MALRD1: variants seen among roughly 807,000 people sequenced by gnomAD.
MALRD1 encodes MAM and LDL-receptor class A domain-containing protein 1.
MALRD1 carries 247 observed loss-of-function variants against 242.1 expected under a neutral mutation model. The ratio of observed to expected loss-of-function variants is 1.02; its 90% CI spans 0.92 to 1.13. The LOEUF (loss-of-function observed/expected upper bound fraction) is 1.13. Ranked by LOEUF, MALRD1 falls within the 50% of genes most tolerant of loss-of-function variation. The pLI, the probability that MALRD1 is intolerant of heterozygous loss-of-function variation, is 0.00. For missense variants in MALRD1, 2,989 were observed against 2,533.1 expected, an observed-to-expected ratio of 1.18 and a Z score of -3.86; for synonymous variants, 995 against 866.6, an observed-to-expected ratio of 1.15 and a Z score of -2.60.
chr10:19,164,902 C>T (rs1278790804), intron 12 of MALRD1, among the ~76,000 whole-genome samples: 1 of 151,996 alleles, frequency 6.6e-6, no homozygotes, highest in Non-Finnish European at 1.5e-5. Flanking sequence ...TGTTGTCTTA[C>T]TTGGCTCAAT....
intron 36 of MALRD1, among the ~76,000 whole-genome samples, chr10:19,639,100 A>G (rs1387125701): frequency 2.0e-5 from 3 of 152,184 alleles, no homozygotes; most frequent in Non-Finnish European, 4.4e-5. Flanking sequence ...AAAAGTTCAG[A>G]TGTAGAAACA....
At chr10:19,358,502 A>G (rs1588961997) in intron 26 of MALRD1, among the ~76,000 whole-genome samples, 1 of 152,126 alleles carries the variant, frequency 6.6e-6, no homozygotes, top group Non-Finnish European at 1.5e-5. Context: ...CGTGAAACCT[A>G]CATATGCTGT....
At chr10:19,243,743 A>G (rs371105016) in intron 18 of MALRD1, among the ~76,000 whole-genome samples, 102 of 152,216 alleles carry the variant, frequency 6.7e-4, no homozygotes, top group African/African-American at 2.3e-3. Context: ...AAAAGTATCA[A>G]TTTTTCTTGG....
At position 19,488,250 on chromosome 10, in the gene MALRD1, T is replaced by C. The variant is rs574711080; in HGVS notation, c.5030-3267T>C. 4.6e-5 allele frequency among the ~76,000 whole-genome samples: 7 copies of C among 152,304 alleles called. No homozygotes were observed. In the South Asian group the frequency reaches 1.5e-3, roughly 32 times the overall value. On this transcript the variant is annotated intron_variant, in intron 29 of 39. Coordinates refer to ENST00000454679, the MANE Select transcript of MALRD1 (RefSeq NM_001142308.3). ...AAGCCCCCTTTAGATGAAAACATTG[T>C]TTCTGAAATTATGATAACCAAGGTT...
chr10:19,575,414 G>C (rs1385903915), intron 33 of MALRD1, among the ~76,000 whole-genome samples: 1 of 151,978 alleles, frequency 6.6e-6, no homozygotes, highest in Non-Finnish European at 1.5e-5. Flanking sequence ...TGTCAGAGGA[G>C]TGAGCCCCAG....
chr10:19,177,778 A>G (rs1835325457), intron 14 of MALRD1, among the ~76,000 whole-genome samples: 1 of 152,166 alleles, frequency 6.6e-6, no homozygotes, highest in Non-Finnish European at 1.5e-5. Flanking sequence ...TCCAATGGTA[A>G]CAGACTGAGC....
At chr10:19,293,201 TCCTTAGAAA>T (rs1841531776) in intron 21 of MALRD1, among the ~76,000 whole-genome samples, 1 of 152,120 alleles carries the variant, frequency 6.6e-6, no homozygotes, top group African/African-American at 2.4e-5. Flanking sequence ...TAAATACCAG[TCCTTAGAAA>T]CAGTTTTAGT....
At chr10:19,390,495 A>C (rs927406127) in intron 28 of MALRD1, among the ~76,000 whole-genome samples, 54 of 152,338 alleles carry the variant, frequency 3.5e-4, no homozygotes, top group African/African-American at 1.3e-3. Flanking sequence ...ACAAAATAAC[A>C]TAGTAAATAT....
chr10:19,700,879 C>T (rs1227878835), intron 38 of MALRD1, among the ~76,000 whole-genome samples: 5 of 152,164 alleles, frequency 3.3e-5, no homozygotes, highest in Non-Finnish European at 5.9e-5. Context: ...TTCCCTCAGG[C>T]TGGGTGCAGT....
intron 38 of MALRD1, among the ~76,000 whole-genome samples, chr10:19,719,219 C>CATATATATATATATATGT (rs1290415118): frequency 1.3e-4 from 4 of 30,340 alleles, no homozygotes; most frequent in African/African-American, 2.9e-4. Flanking sequence ...TATACACATA[C>CATATATATATATATATGT]ATACATATAT....
intron 2 of MALRD1, among the ~76,000 whole-genome samples, chr10:19,077,934 C>T (rs1402424505): frequency 6.6e-6 from 1 of 151,724 alleles, no homozygotes; most frequent in African/African-American, 2.4e-5. Flanking sequence ...TTTCATTCTT[C>T]AAACCTCAAA....
chr10:19,074,618 T>C (rs1189270103), intron 2 of MALRD1, among the ~76,000 whole-genome samples: 3 of 92,578 alleles, frequency 3.2e-5, no homozygotes, highest in African/African-American at 1.9e-4. Flanking sequence ...AATTAACTGA[T>C]AGATATCAAC....
intron 21 of MALRD1, among the ~76,000 whole-genome samples, chr10:19,308,341 AT>A (rs1364486307): frequency 6.6e-6 from 1 of 151,506 alleles, no homozygotes; most frequent in Non-Finnish European, 1.5e-5. Flanking sequence ...AACATTCAAT[AT>A]CCTCCTCCTA....
chr10:19,468,514 T>A (rs1836337883), intron 29 of MALRD1, among the ~76,000 whole-genome samples: 1 of 152,132 alleles, frequency 6.6e-6, no homozygotes, highest in Non-Finnish European at 1.5e-5. Flanking sequence ...CTAGATACAT[T>A]TTCATGAGTT....
At chr10:19,066,996 C>A in intron 2 of MALRD1, 137 bp downstream of exon 2, 1 of 551,002 alleles carries the variant, frequency 1.8e-6, no homozygotes, top group Non-Finnish European at 2.7e-6. Context: ...AGAATCTTGT[C>A]TGATATTTAC....
intron 8 of MALRD1, among the ~76,000 whole-genome samples, chr10:19,133,047 T>C (rs1257858624): frequency 6.6e-6 from 1 of 152,272 alleles, no homozygotes; most frequent in South Asian, 2.1e-4. Context: ...CAAGTTATTC[T>C]CCTGCCTCAG....
At position 19,066,713 on chromosome 10, in the gene MALRD1, C is replaced by G; in HGVS notation, c.200-6C>G. 8.1e-7 allele frequency: 1 copy of G among 1,233,524 alleles called. No homozygotes were observed. The allele number at this position is 1,233,524 out of a possible 1,614,324, so 76.4% of individuals were successfully genotyped here. On this transcript the variant is annotated splice_polypyrimidine_tract_variant and splice_region_variant and intron_variant, in intron 1 of 39. Coordinates refer to ENST00000454679, the MANE Select transcript of MALRD1 (RefSeq NM_001142308.3). ...GTGAAAACCAACTTTTCTTCTTTCTCATTAGGTTTGAATTATGAAAGATGT... is the reference window on the plus strand; with the variant it reads ...GTGAAAACCAACTTTTCTTCTTTCTGATTAGGTTTGAATTATGAAAGATGT...
chr10:19,058,141 G>A (rs7081765), intron 1 of MALRD1, among the ~76,000 whole-genome samples: 68,278 of 151,854 alleles, frequency 0.45, 15,651 homozygotes, highest in Middle Eastern at 0.54. Flanking sequence ...CCTATTTTAC[G>A]GTTTGAGGAA....
intron 34 of MALRD1, among the ~76,000 whole-genome samples, chr10:19,603,294 C>T (rs781701098): frequency 6.6e-6 from 1 of 152,088 alleles, no homozygotes; most frequent in African/African-American, 2.4e-5. Flanking sequence ...ATGGAATTGC[C>T]TAGGTTTTCT....
Sources: allele counts gnomAD v4.1 joint callset (sites outside exome capture counted in the v4.1 genomes callset), GRCh38; gene constraint gnomAD v4.1.1; transcripts MANE v1.5; gene names NCBI Gene and HGNC (gene_info 2026-07-23, HGNC 2026-07-21).